WAPL: variants seen among roughly 807,000 people sequenced by gnomAD.
WAPL encodes the protein wings apart-like protein homolog.
In WAPL, 5 loss-of-function variants were observed where a neutral mutation model predicts 121.0. That is an observed-to-expected ratio of 0.04 (90% CI 0.02 to 0.09). WAPL has a LOEUF of 0.09. Ranked by LOEUF, WAPL falls within the 10% of genes least tolerant of loss-of-function variation. WAPL has a pLI of 1.00. For synonymous variants in WAPL, 480 were observed against 481.5 expected, an observed-to-expected ratio of 1.00 and a Z score of 0.04; for missense variants, 999 against 1,410.8, an observed-to-expected ratio of 0.71 and a Z score of 4.68.
intron 4 of WAPL, among the ~76,000 whole-genome samples, chr10:86,491,136 CTTTTTTTTTTTT>C (rs34863367): frequency 9.7e-6 from 1 of 102,788 alleles, no homozygotes; most frequent in Non-Finnish European, 1.9e-5. Context: ...ACTCATGGTT[CTTTTTTTTTTTT>C]TTTTTTTTTA....
intron 2 of WAPL, among the ~76,000 whole-genome samples, chr10:86,506,631 A>T (rs140151151): frequency 5.9e-4 from 90 of 152,236 alleles, no homozygotes; most frequent in African/African-American, 2.0e-3. Flanking sequence ...ACAAAAAAAA[A>T]TTTTGAAAAT....
chr10:86,467,162 A>C (rs1398080633), intron 9 of WAPL, 117 bp downstream of exon 9: 1 of 936,894 alleles, frequency 1.1e-6, no homozygotes, highest in Non-Finnish European at 1.6e-6. Flanking sequence ...AAATTTGCCA[A>C]ACTGTAAACC....
chr10:86,461,401 C>T (rs530069138), intron 9 of WAPL, 114 bp from the exon 10 acceptor site: 8 of 724,268 alleles, frequency 1.1e-5, no homozygotes, highest in Admixed American at 2.8e-5. Flanking sequence ...CACTTTTATA[C>T]ATAAAATTGA....
At chr10:86,494,372 C>T (rs1348484589) in intron 4 of WAPL, among the ~76,000 whole-genome samples, 1 of 152,134 alleles carries the variant, frequency 6.6e-6, no homozygotes, top group Non-Finnish European at 1.5e-5. Context: ...ATCATCTTTA[C>T]TGGAAAGATC....
At chr10:86,492,112 T>C (rs1325519307) in intron 4 of WAPL, among the ~76,000 whole-genome samples, 2 of 152,224 alleles carry the variant, frequency 1.3e-5, no homozygotes, top group Non-Finnish European at 2.9e-5. Flanking sequence ...GATCATGCCG[T>C]TTTTAATATT....
chr10:86,438,002 G>C lies in WAPL; in HGVS notation c.3425C>G (p.Thr1142Ser). Residue 1142 changes from threonine (T) to serine (S), a missense_variant, in exon 18 of 19, where the codon ACT (threonine) becomes AGT (serine). Thr to Ser is a moderately conservative substitution (Grantham distance 58). Around this residue, in one of 7 missense-constraint regions of WAPL, gnomAD observed 35 missense variants for 80.3 expected, o/e 0.44. Transcript: ENST00000298767. ...TCCTTCTGGCAGATATTCCCGCACA[G>C]TGGTTACATTGATCTGAGGAAACAG... ...LCQESPINVT[T>S]VREYLPEGDF... 9 of 1,613,400 alleles carry C rather than the reference G, an allele frequency of 5.6e-6. No homozygotes were observed. Among genetic ancestry groups the C allele is most frequent in the Non-Finnish European group, 7.6e-6 (9 of 1,179,600 alleles).
chr10:86,461,483 G>A (rs1841273764), intron 9 of WAPL, among the ~76,000 whole-genome samples, 196 bp from the exon 10 acceptor site: 1 of 152,150 alleles, frequency 6.6e-6, no homozygotes, highest in Non-Finnish European at 1.5e-5. Flanking sequence ...TAGAGAAAAT[G>A]TGCTATTAGT....
At position 86,443,348 on chromosome 10, in the gene WAPL, C is replaced by T; in HGVS notation, c.3338G>A (p.Gly1113Asp). The stretch of plus-strand genomic sequence containing the variant: ...CACAATGCAATCCTCCATGTGTTTG[C>T]CGGCATGCTGAAGGGCTGAGAGAAT... ...LDLNKALQHA[G>D]KHMEDCIVAS... The change falls in exon 17 of 19, where the codon GGC becomes GAC. Residue 1113 changes from glycine to aspartate, a missense_variant. Transcript: ENST00000298767. 6.2e-7 allele frequency: 1 copy of T among 1,613,880 alleles called. No homozygotes were observed.
chr10:86,437,534 G>T lies in WAPL; in HGVS notation c.*9C>A. 6.2e-7 allele frequency: 1 copy of T among 1,613,260 alleles called. No homozygotes were observed. Among genetic ancestry groups the T allele is most frequent in the Non-Finnish European group, 8.5e-7 (1 of 1,179,718 alleles). ...GCATTACCGAGCACCTGAAGCAAAG[G>T]TAAAGCAGCTAGCAATGTTCCAAAT... On this transcript the variant is annotated 3_prime_UTR_variant, in exon 19 of 19. Coordinates refer to ENST00000298767, the MANE Select transcript of WAPL (RefSeq NM_015045.5).
intron 2 of WAPL, among the ~76,000 whole-genome samples, chr10:86,510,289 G>A (rs1842436046): frequency 6.6e-6 from 1 of 151,972 alleles, no homozygotes; most frequent in Non-Finnish European, 1.5e-5. Context: ...TGGTCAGGCT[G>A]GTTTCGAACT....
chr10:86,462,651 G>C (rs919162157), intron 9 of WAPL, among the ~76,000 whole-genome samples: 1 of 150,794 alleles, frequency 6.6e-6, no homozygotes, highest in Middle Eastern at 3.2e-3. Context: ...AACCCGGGAG[G>C]TGGAGGTTGC....
chr10:86,485,667 T>C (rs1277529023), intron 4 of WAPL, among the ~76,000 whole-genome samples: 2 of 152,226 alleles, frequency 1.3e-5, no homozygotes, highest in Non-Finnish European at 2.9e-5. Context: ...CTAAGCCTTT[T>C]TGACTTATAC....
chr10:86,492,819 A>T (rs539689360), intron 4 of WAPL, among the ~76,000 whole-genome samples: 1 of 152,240 alleles, frequency 6.6e-6, no homozygotes, highest in South Asian at 2.1e-4. Context: ...CACTTTGGGA[A>T]GCCGAGGCGA....
At chr10:86,509,481 T>C (rs556393083) in intron 2 of WAPL, among the ~76,000 whole-genome samples, 3 of 152,306 alleles carry the variant, frequency 2.0e-5, no homozygotes, top group East Asian at 1.9e-4. Flanking sequence ...AGTAAGCCCA[T>C]AGAGTGCTAC....
chr10:86,494,615 G>A (rs958736612), intron 4 of WAPL, among the ~76,000 whole-genome samples: 1 of 152,068 alleles, frequency 6.6e-6, no homozygotes, highest in Non-Finnish European at 1.5e-5. Flanking sequence ...ATGGTTTTTC[G>A]ATACTGTATA....
At chr10:86,517,214 A>T (rs1238270232) in intron 2 of WAPL, among the ~76,000 whole-genome samples, 1 of 152,190 alleles carries the variant, frequency 6.6e-6, no homozygotes, top group African/African-American at 2.4e-5. Context: ...TTAAATACTC[A>T]TCTCATTTTC....
At chr10:86,487,308 T>C (rs1044927056) in intron 4 of WAPL, among the ~76,000 whole-genome samples, 7 of 152,096 alleles carry the variant, frequency 4.6e-5, no homozygotes, top group Non-Finnish European at 8.8e-5. Flanking sequence ...AGAAACTGGA[T>C]GACATTTCAT....
At chr10:86,444,166 T>C (rs889457456) in intron 16 of WAPL, 4 of 152,184 alleles carry the variant, frequency 2.6e-5, no homozygotes, top group African/African-American at 9.7e-5. Flanking sequence ...CACAATGAGA[T>C]ATCATGTCAC....
intron 1 of WAPL, among the ~76,000 whole-genome samples, chr10:86,520,892 CCTGA>C (rs1258576856): frequency 4.6e-5 from 7 of 152,108 alleles, no homozygotes; most frequent in African/African-American, 1.7e-4. Context: ...ACGGGACGAA[CCTGA>C]CTAACCAGAA....
Sources: gnomAD v4.1 joint callset for allele counts (sites outside exome capture counted in the v4.1 genomes callset) on GRCh38, gnomAD v4.1.1 for gene constraint, gnomAD v4.1.1 regional missense constraint, MANE v1.5 for transcripts, NCBI Gene and HGNC (gene_info 2026-07-23, HGNC 2026-07-21) for gene names.